Variants in GALNTL6 observed in about 807,000 individuals in gnomAD.
GALNTL6 encodes the protein polypeptide N-acetylgalactosaminyltransferase like 6, also known as polypeptide N-acetylgalactosaminyltransferase-like 6.
In GALNTL6, 46 loss-of-function variants were observed where a neutral mutation model predicts 73.7. The observed-to-expected ratio is 0.62, with a 90% CI of 0.49 to 0.80. The LOEUF (loss-of-function observed/expected upper bound fraction) is 0.80. Among genes scored for constraint, GALNTL6 ranks in the 30% least tolerant of loss-of-function variants. The pLI, the probability that GALNTL6 is intolerant of heterozygous loss-of-function variation, is 0.00. For synonymous variants in GALNTL6, 259 were observed against 263.7 expected, an observed-to-expected ratio of 0.98 and a Z score of 0.17; for missense variants, 604 against 755.0, an observed-to-expected ratio of 0.80 and a Z score of 2.34.
intron 2 of GALNTL6, among the ~76,000 whole-genome samples, chr4:171,934,400 T>A (rs1738278761): frequency 6.6e-6 from 1 of 152,280 alleles, no homozygotes; most frequent in East Asian, 1.9e-4. Flanking sequence ...TGTATATCTA[T>A]CTGTGCATTT....
At chr4:172,311,843 G>T in intron 4 of GALNTL6, 91 bp downstream of exon 4, 1 of 806,902 alleles carries the variant, frequency 1.2e-6, no homozygotes, top group Non-Finnish European at 1.8e-6. Flanking sequence ...TGCGAGATAT[G>T]TAACCAAATA....
intron 2 of GALNTL6, among the ~76,000 whole-genome samples, chr4:171,901,014 C>T (rs894245673): frequency 6.6e-6 from 1 of 152,084 alleles, no homozygotes; most frequent in African/African-American, 2.4e-5. Context: ...GCCAGGAAGA[C>T]TGATAATAAA....
At chr4:171,892,050 A>G (rs75736928) in intron 2 of GALNTL6, among the ~76,000 whole-genome samples, 2,499 of 152,322 alleles carry the variant, frequency 0.016, 65 homozygotes, top group African/African-American at 0.052. Flanking sequence ...GACAGATAAC[A>G]GTCAAATGCA....
intron 2 of GALNTL6, among the ~76,000 whole-genome samples, chr4:172,108,551 G>T (rs1242426649): frequency 6.6e-6 from 1 of 152,074 alleles, no homozygotes; most frequent in Admixed American, 6.5e-5. Context: ...AAAGCAGAAT[G>T]CTCTGCTTTA....
intron 2 of GALNTL6, among the ~76,000 whole-genome samples, chr4:172,099,171 A>G (rs1732442004): frequency 6.6e-6 from 1 of 152,150 alleles, no homozygotes; most frequent in African/African-American, 2.4e-5. Context: ...CATGCTATAT[A>G]TTCCCATTAG....
chr4:171,920,904 A>G (rs573020763), intron 2 of GALNTL6, among the ~76,000 whole-genome samples: 3 of 152,238 alleles, frequency 2.0e-5, no homozygotes, highest in African/African-American at 7.2e-5. Flanking sequence ...CAAAATAAAA[A>G]TCACATGTAC....
intron 2 of GALNTL6, among the ~76,000 whole-genome samples, chr4:172,093,289 T>C (rs544934982): frequency 2.0e-5 from 3 of 152,174 alleles, no homozygotes; most frequent in South Asian, 4.1e-4. Flanking sequence ...TAATTCTTTT[T>C]CCCCCTACTG....
chr4:172,070,156 G>A (rs1338033110), intron 2 of GALNTL6, among the ~76,000 whole-genome samples: 1 of 109,488 alleles, frequency 9.1e-6, no homozygotes, highest in Non-Finnish European at 2.0e-5. Flanking sequence ...ATTCTGGCTG[G>A]AACAAAAAGA....
intron 4 of GALNTL6, among the ~76,000 whole-genome samples, chr4:172,321,069 A>G (rs1740742199): frequency 6.6e-6 from 1 of 152,214 alleles, no homozygotes; most frequent in African/African-American, 2.4e-5. Context: ...GTATATTGTT[A>G]TAATTGTTTG....
intron 2 of GALNTL6, among the ~76,000 whole-genome samples, chr4:172,139,763 C>T (rs144132472): frequency 2.0e-4 from 30 of 152,226 alleles, no homozygotes; most frequent in East Asian, 1.4e-3. Flanking sequence ...GTCCCCCTCA[C>T]GGGAAGCAAC....
Position 172,743,287 on chromosome 4 carries a change from T to C in GALNTL6, c.554-66074T>C, listed in dbSNP as rs142227794. Among the ~76,000 whole-genome samples the C allele has an allele frequency of 7.7e-4, 117 of 152,106 alleles. 1 individual carries two copies. In the South Asian group the frequency reaches 0.016, roughly 20 times the overall value. On this transcript the variant is annotated intron_variant, in intron 5 of 12. Coordinates refer to ENST00000506823, the MANE Select transcript of GALNTL6 (RefSeq NM_001034845.3). Reference sequence around the variant, plus strand: ...CCTAGAGTTGTTGCAGAGCCTTTTATTTTTACCCCCTCAGGCTCCACTAAA... The same window carrying C: ...CCTAGAGTTGTTGCAGAGCCTTTTACTTTTACCCCCTCAGGCTCCACTAAA...
chr4:171,855,682 C>T (rs1444106775), intron 2 of GALNTL6, among the ~76,000 whole-genome samples: 1 of 151,494 alleles, frequency 6.6e-6, no homozygotes, highest in Non-Finnish European at 1.5e-5. Flanking sequence ...TTGTAAGAAA[C>T]GGCCAAACTA....
At chr4:171,924,663 G>T (rs760097688) in intron 2 of GALNTL6, among the ~76,000 whole-genome samples, 3 of 152,266 alleles carry the variant, frequency 2.0e-5, no homozygotes, top group Non-Finnish European at 4.4e-5. Context: ...CACAGGGAAG[G>T]TATTCTGTTG....
intron 5 of GALNTL6, among the ~76,000 whole-genome samples, chr4:172,587,714 T>C (rs943806716): frequency 6.6e-6 from 1 of 152,220 alleles, no homozygotes; most frequent in Non-Finnish European, 1.5e-5. Flanking sequence ...GCTCTAGCAA[T>C]GCCTCCTCCC....
intron 5 of GALNTL6, among the ~76,000 whole-genome samples, chr4:172,684,957 A>G (rs1399636821): frequency 6.6e-6 from 1 of 152,206 alleles, no homozygotes; most frequent in Admixed American, 6.5e-5. Flanking sequence ...TAAGTCATTT[A>G]TATTCAAAGA....
intron 2 of GALNTL6, among the ~76,000 whole-genome samples, chr4:172,216,540 T>C (rs1220010923): frequency 6.6e-6 from 1 of 152,216 alleles, no homozygotes; most frequent in East Asian, 1.9e-4. Context: ...AAGTGTAATT[T>C]TTTTTTGTAT....
chr4:172,016,314 T>C (rs754601856), intron 2 of GALNTL6, among the ~76,000 whole-genome samples: 1 of 152,088 alleles, frequency 6.6e-6, no homozygotes, highest in African/African-American at 2.4e-5. Context: ...AAGCCTTGTC[T>C]TCACGCTCTG....
intron 5 of GALNTL6, among the ~76,000 whole-genome samples, chr4:172,623,342 C>T (rs961262949): frequency 8.0e-5 from 12 of 150,850 alleles, no homozygotes; most frequent in African/African-American, 2.4e-4. Flanking sequence ...CTACAGATGT[C>T]GATTATGTGA....
At chr4:172,382,817 C>T (rs1184871591) in intron 5 of GALNTL6, among the ~76,000 whole-genome samples, 5 of 151,770 alleles carry the variant, frequency 3.3e-5, no homozygotes, top group African/African-American at 1.2e-4. Flanking sequence ...GCCTGAAGAA[C>T]TTTGAAAAGA....
Sources: gnomAD v4.1 joint callset for allele counts (sites outside exome capture counted in the v4.1 genomes callset) on GRCh38, gnomAD v4.1.1 for gene constraint, MANE v1.5 for transcripts, NCBI Gene and HGNC (gene_info 2026-07-23, HGNC 2026-07-21) for gene names.